Variants in RPS6KA2 observed in about 807,000 individuals in gnomAD.
RPS6KA2 encodes ribosomal protein S6 kinase A2, also known as ribosomal protein S6 kinase alpha-2.
A neutral mutation model predicts 91.8 loss-of-function variants in RPS6KA2; 42 were observed. The ratio of observed to expected loss-of-function variants is 0.46; its 90% confidence interval spans 0.36 to 0.59. The LOEUF (loss-of-function observed/expected upper bound fraction) is 0.59. Among genes scored for constraint, RPS6KA2 ranks in the 20% least tolerant of loss-of-function variants. The pLI is 0.00. For synonymous variants in RPS6KA2, 414 were observed against 393.6 expected (o/e 1.05, Z -0.61); for missense variants, 798 against 978.5 (o/e 0.82, Z 2.46).
rs781555186 is a variant in RPS6KA2, at chr6:166,557,356, C to T, written c.100-18572G>A. Reference sequence around the variant, plus strand: ...GACATAAACACGGTCCTGGCCACCACGTCCCCCACAGACTCAATGGTCAGG... The same window carrying T: ...GACATAAACACGGTCCTGGCCACCATGTCCCCCACAGACTCAATGGTCAGG... On this transcript the variant is annotated intron_variant, in intron 1 of 20. Transcript: ENST00000265678. The surrounding 1 kb of genome is among the most constrained non-coding windows in gnomAD (Gnocchi z 4.8). 5.9e-5 allele frequency among the ~76,000 whole-genome samples: 9 copies of T among 152,250 alleles called. No homozygotes were observed. The highest frequency in any genetic ancestry group is 1.4e-4 in the African/African-American group (6 of 41,464).
chr6:166,679,159 T>C (rs1012849456), intron 2 of RPS6KA2, among the ~76,000 whole-genome samples: 1 of 152,034 alleles, frequency 6.6e-6, no homozygotes, highest in Non-Finnish European at 1.5e-5. Flanking sequence ...AACAAAAAAA[T>C]AATAAATATT....
intron 10 of RPS6KA2, among the ~76,000 whole-genome samples, chr6:166,473,940 G>GTT (rs5881697): frequency 1.0e-3 from 115 of 112,068 alleles, no homozygotes; most frequent in Middle Eastern, 4.8e-3. Context: ...TTGTTTAAAG[G>GTT]TTTTTTTTTT....
At position 166,508,504 on chromosome 6, in the gene RPS6KA2, G is replaced by A. The variant is rs1416110150; in HGVS notation, c.380-222C>T. On this transcript the variant is annotated intron_variant, in intron 4 of 20. Transcript: ENST00000265678. This position sits in a 1 kb window ranked among gnomAD's most constrained non-coding sequence, Gnocchi z 4.3. ...TCTCTCACTGTCGTTAGGGGGCCTT[G>A]AGATTTCTTTCATCTTTCTTTCCTC... Among the ~76,000 whole-genome samples the A allele has an allele frequency of 6.6e-6, 1 of 152,090 alleles. No homozygotes were observed. The highest frequency in any genetic ancestry group is 1.5e-5 in the Non-Finnish European group (1 of 68,018).
At chr6:166,862,390 T>A in exon 1 of RPS6KA2, 1 of 1,383,284 alleles carries the variant, frequency 7.2e-7, no homozygotes, top group Non-Finnish European at 9.4e-7. Context: ...GGCTGCAATA[T>A]GGCTGCTCGG....
chr6:166,855,682 T>C (rs1010740029), intron 2 of RPS6KA2, among the ~76,000 whole-genome samples: 1 of 152,172 alleles, frequency 6.6e-6, no homozygotes, highest in Non-Finnish European at 1.5e-5. Context: ...TCAAATGACA[T>C]TCATCTGCAG....
intron 2 of RPS6KA2, among the ~76,000 whole-genome samples, chr6:166,721,704 G>T (rs1384063330): frequency 6.6e-6 from 1 of 152,204 alleles, no homozygotes. Flanking sequence ...TGCTTCAGGA[G>T]CATTTCACCC....
At position 166,635,082 on chromosome 6, in the gene RPS6KA2, G is replaced by A. The variant is rs1787192136; in HGVS notation, c.124-96298C>T. Reference sequence around the variant, plus strand: ...TTAAAAAGACTTGTGATAACGGAGAGCCAACGGTAGTACGTGAAAGTGACC... The same window carrying A: ...TTAAAAAGACTTGTGATAACGGAGAACCAACGGTAGTACGTGAAAGTGACC... On this transcript the variant is annotated intron_variant, in intron 2 of 21. Transcript: ENST00000503859. This position sits in a 1 kb window ranked among gnomAD's most constrained non-coding sequence, Gnocchi z 4.8. Among the ~76,000 whole-genome samples the A allele has an allele frequency of 6.6e-6, 1 of 152,188 alleles. No homozygotes were observed. The highest frequency in any genetic ancestry group is 1.5e-5 in the Non-Finnish European group (1 of 68,036).
intron 2 of RPS6KA2, among the ~76,000 whole-genome samples, chr6:166,765,171 T>G (rs151300244): frequency 6.6e-6 from 1 of 152,050 alleles, no homozygotes; most frequent in African/African-American, 2.4e-5. Context: ...AGCCTCCACG[T>G]GGCCAGCCAG....
At position 166,531,316 on chromosome 6, in the gene RPS6KA2, T is replaced by C; in HGVS notation, c.217-3A>G. The C allele has an allele frequency of 6.2e-7, 1 of 1,612,576 alleles. No individual in the cohort carries two copies. The highest frequency in any genetic ancestry group is 2.2e-5 in the East Asian group (1 of 44,872). On this transcript the variant is annotated splice_region_variant and splice_polypyrimidine_tract_variant and intron_variant, in intron 2 of 20. Coordinates refer to ENST00000265678, the MANE Select transcript of RPS6KA2 (RefSeq NM_021135.6). Reference sequence around the variant, plus strand: ...TTCACCTTCCTCACCAGGAACACCTTAGCAAGAGAAAACGGAACATCAGAA... The same window carrying C: ...TTCACCTTCCTCACCAGGAACACCTCAGCAAGAGAAAACGGAACATCAGAA...
intron 10 of RPS6KA2, among the ~76,000 whole-genome samples, chr6:166,483,945 C>A (rs1175081937): frequency 6.6e-6 from 1 of 152,244 alleles, no homozygotes; most frequent in East Asian, 1.9e-4. Flanking sequence ...CTGTGCAAGT[C>A]ACTAGCAGAA....
chr6:166,781,291 T>C (rs535743113), intron 2 of RPS6KA2, among the ~76,000 whole-genome samples: 1 of 152,360 alleles, frequency 6.6e-6, no homozygotes, highest in South Asian at 2.1e-4. Context: ...AAGTTGACTG[T>C]GCATTTTGGG....
intron 2 of RPS6KA2, among the ~76,000 whole-genome samples, chr6:166,783,743 C>T (rs9459750): frequency 0.13 from 18,355 of 138,280 alleles, 1,941 homozygotes; most frequent in African/African-American, 0.17. Context: ...CGCGTGGACA[C>T]CTATCTAAAA....
chr6:166,542,599 A>G (rs535648330), intron 1 of RPS6KA2: 3 of 152,360 alleles, frequency 2.0e-5, no homozygotes, highest in Admixed American at 1.3e-4. Context: ...AATGTGACAA[A>G]TTGTGACAAG....
At chr6:166,650,056 A>G (rs978552484) in intron 2 of RPS6KA2, among the ~76,000 whole-genome samples, 10 of 151,926 alleles carry the variant, frequency 6.6e-5, no homozygotes, top group African/African-American at 2.4e-4. Context: ...AGATGGGGTG[A>G]CATTAGGCTC....
Position 166,437,812 on chromosome 6 carries a change from C to CTTA in RPS6KA2, c.1333-5323_1333-5322insTAA, listed in dbSNP as rs1779384818. ...CAGGAGACTTCGCTGCTCTTGATAA[C>CTTA]ACCTTTCCTCCTGCTGGCCGAAGGC... is the stretch of plus-strand genomic sequence containing the variant. On this transcript the variant is annotated intron_variant, in intron 14 of 20. Transcript: ENST00000265678. This position sits in a 1 kb window ranked among gnomAD's most constrained non-coding sequence, Gnocchi z 4.3. 6.6e-6 allele frequency among the ~76,000 whole-genome samples: 1 copy of CTTA among 152,098 alleles called. No individual in the cohort carries two copies. Among genetic ancestry groups the CTTA allele is most frequent in the African/African-American group, 2.4e-5 (1 of 41,420 alleles).
At chr6:166,681,432 A>G (rs1376325864) in intron 2 of RPS6KA2, among the ~76,000 whole-genome samples, 3 of 152,082 alleles carry the variant, frequency 2.0e-5, no homozygotes, top group Non-Finnish European at 4.4e-5. Flanking sequence ...GTCTTGACAT[A>G]AGGTCCAAGT....
intron 3 of RPS6KA2, among the ~76,000 whole-genome samples, chr6:166,529,335 A>G (rs1783175818): frequency 6.6e-6 from 1 of 152,034 alleles, no homozygotes; most frequent in African/African-American, 2.4e-5. Context: ...AAAACCAAAC[A>G]CCACATGTTT....
At chr6:166,498,221 G>A (rs1387021649) in intron 8 of RPS6KA2, among the ~76,000 whole-genome samples, 1 of 152,228 alleles carries the variant, frequency 6.6e-6, no homozygotes, top group Non-Finnish European at 1.5e-5. Flanking sequence ...GGCATCTCTT[G>A]TAATCATCAC....
chr6:166,743,532 C>A (rs150372963), intron 2 of RPS6KA2, among the ~76,000 whole-genome samples: 1 of 152,332 alleles, frequency 6.6e-6, no homozygotes, highest in African/African-American at 2.4e-5. Flanking sequence ...AAGTGCTGGT[C>A]CTTGGTTGCT....
Sources: gnomAD v4.1 joint callset for allele counts (sites outside exome capture counted in the v4.1 genomes callset) on GRCh38, gnomAD v4.1.1 for gene constraint, Gnocchi (gnomAD v3.1) non-coding constraint, MANE v1.5 for transcripts, NCBI Gene and HGNC (gene_info 2026-07-23, HGNC 2026-07-21) for gene names.